Variants in SDK1 observed in about 807,000 individuals in gnomAD.
SDK1 encodes the protein sidekick cell adhesion molecule 1, also known as protein sidekick-1.
In SDK1, 157 loss-of-function variants were observed where a neutral mutation model predicts 245.5. That is an observed-to-expected ratio of 0.64 (90% CI 0.56 to 0.73). The LOEUF is 0.73. Among genes scored for constraint, SDK1 ranks in the 30% least tolerant of loss-of-function variants. SDK1 has a pLI of 0.00. For synonymous variants in SDK1, 1,647 were observed against 1,278.5 expected, an observed-to-expected ratio of 1.29 and a Z score of -6.15; for missense variants, 3,583 against 3,002.3, an observed-to-expected ratio of 1.19 and a Z score of -4.52.
Position 3,717,847 on chromosome 7 carries a change from T to G in SDK1, c.713+75742T>G, listed in dbSNP as rs557810363. 5.3e-5 allele frequency among the ~76,000 whole-genome samples: 8 copies of G among 152,230 alleles called. No individual in the cohort carries two copies. In the East Asian group the frequency reaches 1.5e-3, roughly 29 times the overall value. On this transcript the variant is annotated intron_variant, in intron 4 of 44. Coordinates refer to ENST00000404826, the MANE Select transcript of SDK1 (RefSeq NM_152744.4). ...ATTTGCCACACATTTAAAGAAGAAT[T>G]TAAATCAGTTTTACAGGGTTTTGTT... is the stretch of plus-strand genomic sequence containing the variant.
At chr7:4,034,067 C>T (rs752194130) in intron 17 of SDK1, among the ~76,000 whole-genome samples, 6 of 152,130 alleles carry the variant, frequency 3.9e-5, no homozygotes, top group East Asian at 1.9e-4. Flanking sequence ...GGATAGGATG[C>T]GATGAAAAGA....
intron 4 of SDK1, among the ~76,000 whole-genome samples, chr7:3,746,192 ATAGTT>A (rs1374176808): frequency 6.6e-6 from 1 of 152,240 alleles, no homozygotes; most frequent in Non-Finnish European, 1.5e-5. Context: ...TGTTTATACT[ATAGTT>A]TATTAAGTGT....
In SDK1 at chr7:3,507,837, C is replaced by T. The variant is rs141668793; in HGVS notation, c.299-111243C>T. On this transcript the variant is annotated intron_variant, in intron 1 of 44. Transcript: ENST00000404826. The stretch of plus-strand genomic sequence containing the variant: ...TATCTGGACCTGCCCTTATCTAATT[C>T]CCAACCTGCTTCAGTGTTGCTTTCA... Among the ~76,000 whole-genome samples, 23 of 152,278 alleles carry T rather than the reference C, an allele frequency of 1.5e-4. No homozygotes were observed. In the South Asian group the frequency reaches 4.6e-3, roughly 30 times the overall value.
chr7:3,686,914 G>C (rs372463527), intron 4 of SDK1, among the ~76,000 whole-genome samples: 1 of 152,270 alleles, frequency 6.6e-6, no homozygotes, highest in Admixed American at 6.5e-5. Context: ...AGCAACTGGG[G>C]TAGGCAGGTA....
intron 30 of SDK1, among the ~76,000 whole-genome samples, chr7:4,157,202 C>T (rs1780787984): frequency 6.6e-6 from 1 of 151,642 alleles, no homozygotes; most frequent in African/African-American, 2.4e-5. Flanking sequence ...TCAGGCATGG[C>T]ATGGGGCTTG....
intron 14 of SDK1, among the ~76,000 whole-genome samples, chr7:4,002,419 A>G (rs1194049658): frequency 2.0e-5 from 3 of 152,232 alleles, no homozygotes; most frequent in African/African-American, 7.2e-5. Context: ...AGGAAATGTC[A>G]TTCCTTCCAC....
chr7:3,722,013 A>G (rs1159013910), intron 4 of SDK1, among the ~76,000 whole-genome samples: 1 of 151,792 alleles, frequency 6.6e-6, no homozygotes, highest in African/African-American at 2.4e-5. Context: ...ATCATGCCTC[A>G]CTGCAGCCTT....
rs1326689040 is a variant in SDK1 at position 3,350,505 on chromosome 7, T to C, written c.298+48621T>C. Among the ~76,000 whole-genome samples, 9 of 152,318 alleles carry C rather than the reference T, an allele frequency of 5.9e-5. No homozygotes were observed. In the East Asian group the frequency reaches 1.7e-3, roughly 29 times the overall value. ...GTTCAGTATTCAGTCTTCTTGGTGG[T>C]TATTTTGTTGTAAATTAATAATACT... On this transcript the variant is annotated intron_variant, in intron 1 of 44. Transcript: ENST00000404826.
chr7:3,627,117 CAG>C (rs1782146034), intron 2 of SDK1, among the ~76,000 whole-genome samples: 1 of 151,994 alleles, frequency 6.6e-6, no homozygotes, highest in African/African-American at 2.4e-5. Context: ...TCTGTAGACA[CAG>C]GGTTTCACTA....
chr7:3,763,322 G>A (rs1010827880), intron 4 of SDK1, among the ~76,000 whole-genome samples: 3 of 151,894 alleles, frequency 2.0e-5, no homozygotes, highest in Non-Finnish European at 4.4e-5. Context: ...CATACAACTC[G>A]ATCATTTTTT....
At chr7:3,789,177 C>T (rs371892305) in intron 4 of SDK1, among the ~76,000 whole-genome samples, 2 of 152,002 alleles carry the variant, frequency 1.3e-5, no homozygotes, top group African/African-American at 4.8e-5. Flanking sequence ...GACGGAGTTT[C>T]ACTCCTGTTA....
chr7:3,338,377 C>A (rs867286188), intron 1 of SDK1: 15 of 523,968 alleles, frequency 2.9e-5, no homozygotes, highest in African/African-American at 2.5e-4. Flanking sequence ...ACGACTCTTG[C>A]CAAGAGAACT....
intron 4 of SDK1, among the ~76,000 whole-genome samples, chr7:3,744,373 T>C (rs1779558171): frequency 6.6e-6 from 1 of 152,158 alleles, no homozygotes; most frequent in Admixed American, 6.5e-5. Context: ...TATTCTATTA[T>C]AATATAAGCA....
chr7:3,404,803 A>G (rs534548286), intron 1 of SDK1, among the ~76,000 whole-genome samples: 1 of 152,246 alleles, frequency 6.6e-6, no homozygotes, highest in Non-Finnish European at 1.5e-5. Context: ...TGGTTGGACA[A>G]GAATGTAAAA....
intron 22 of SDK1, among the ~76,000 whole-genome samples, chr7:4,096,177 G>C (rs1782139822): frequency 6.6e-6 from 1 of 152,202 alleles, no homozygotes; most frequent in African/African-American, 2.4e-5. Context: ...AGAAATCCCA[G>C]AGTCTCCTGG....
chr7:3,523,334 G>A (rs1323031412), intron 1 of SDK1, among the ~76,000 whole-genome samples: 1 of 152,180 alleles, frequency 6.6e-6, no homozygotes, highest in Non-Finnish European at 1.5e-5. Context: ...TACAGTCTGT[G>A]CTGGCATAGG....
rs1489864001 is a variant in SDK1 at position 3,323,475 on chromosome 7, T to C, written c.298+21591T>C. 2.6e-5 allele frequency among the ~76,000 whole-genome samples: 4 copies of C among 152,200 alleles called. No homozygotes were observed. In the East Asian group the frequency reaches 7.7e-4, roughly 29 times the overall value. On this transcript the variant is annotated intron_variant, in intron 1 of 44. Coordinates refer to ENST00000404826, the MANE Select transcript of SDK1 (RefSeq NM_152744.4). ...TAGAGGTTCTAAGGAAAAATACACT[T>C]CCAAACTCATTCACATTGCTGGTCA...
At chr7:3,729,097 G>T (rs1215915790) in intron 4 of SDK1, among the ~76,000 whole-genome samples, 1 of 152,180 alleles carries the variant, frequency 6.6e-6, no homozygotes, top group African/African-American at 2.4e-5. Flanking sequence ...GGGCAACATT[G>T]TCCTTGCCTG....
intron 1 of SDK1, among the ~76,000 whole-genome samples, chr7:3,524,261 G>C (rs1455127338): frequency 5.3e-5 from 8 of 152,272 alleles, no homozygotes; most frequent in African/African-American, 1.7e-4. Flanking sequence ...CAGATGACAA[G>C]CTATAGAGGA....
Sources: gnomAD v4.1 joint callset for allele counts (sites outside exome capture counted in the v4.1 genomes callset) on GRCh38, gnomAD v4.1.1 for gene constraint, MANE v1.5 for transcripts, NCBI Gene and HGNC (gene_info 2026-07-23, HGNC 2026-07-21) for gene names.